SHQ1: variants seen among roughly 807,000 people sequenced by gnomAD.
The protein encoded by SHQ1 is protein SHQ1 homolog.
In SHQ1, 49 loss-of-function variants were observed where a neutral mutation model predicts 53.8. The observed-to-expected ratio is 0.91, with a 90% CI of 0.72 to 1.16. SHQ1 has a LOEUF of 1.16. Ranked by LOEUF, SHQ1 falls within the 50% of genes most tolerant of loss-of-function variation. The probability of loss-of-function intolerance (pLI) is 0.00; values close to 1 mark genes in which losing one functional copy is unlikely to be tolerated. For synonymous variants in SHQ1, 243 were observed against 251.0 expected, an observed-to-expected ratio of 0.97 and a Z score of 0.30; for missense variants, 738 against 683.1, an observed-to-expected ratio of 1.08 and a Z score of -0.90.
chr3:72,840,242 T>TAAAAAAAAAA (rs71623990), intron 4 of SHQ1, among the ~76,000 whole-genome samples: 1 of 93,592 alleles, frequency 1.1e-5, no homozygotes. Context: ...GACTCTGTCT[T>TAAAAAAAAAA]AAAAAAAAAA....
intron 1 of SHQ1, chr3:72,846,266 T>G (rs1479464098): frequency 6.5e-7 from 1 of 1,535,672 alleles, no homozygotes; most frequent in Middle Eastern, 1.7e-4. Flanking sequence ...GGACCAGGTT[T>G]TATTCATCCT....
intron 8 of SHQ1, among the ~76,000 whole-genome samples, chr3:72,815,141 C>T (rs1261747673): frequency 6.6e-6 from 1 of 152,054 alleles, no homozygotes; most frequent in Non-Finnish European, 1.5e-5. Flanking sequence ...CATCCTCTCT[C>T]CAAAGTGTGT....
At chr3:72,788,621 G>A (rs1172818713) in intron 10 of SHQ1, among the ~76,000 whole-genome samples, 1 of 152,252 alleles carries the variant, frequency 6.6e-6, no homozygotes, top group Non-Finnish European at 1.5e-5. Flanking sequence ...GACGATGGCA[G>A]TTTTGTCGAA....
Position 72,815,422 on chromosome 3 carries a change from A to G in SHQ1, c.883-19T>C. 1 of 1,601,212 alleles carries G rather than the reference A, an allele frequency of 6.2e-7. No individual in the cohort carries two copies. Among genetic ancestry groups the G allele is most frequent in the Non-Finnish European group, 8.6e-7 (1 of 1,168,986 alleles). ...ATTCAACCTTTATTTGTTTTGGAGA[A>G]AAGAATACCATCACATTAGAGGTGA... On this transcript the variant is annotated intron_variant, in intron 7 of 10. Coordinates refer to ENST00000325599, the MANE Select transcript of SHQ1 (RefSeq NM_018130.3).
chr3:72,842,563 T>C lies in SHQ1; in HGVS notation c.209-161A>G, dbSNP rs567933563. Reference sequence around the variant, plus strand: ...GGGCAACATACCAAGACCCCATCTCTACAGAAAATAATAATAAAATCATTT... The same window carrying C: ...GGGCAACATACCAAGACCCCATCTCCACAGAAAATAATAATAAAATCATTT... On this transcript the variant is annotated intron_variant, in intron 2 of 10. Coordinates refer to ENST00000325599, the MANE Select transcript of SHQ1 (RefSeq NM_018130.3). Among the ~76,000 whole-genome samples the C allele has an allele frequency of 7.9e-5, 12 of 151,664 alleles. No homozygotes were observed. The East Asian group carries it at 1.4e-3, about 17-fold the overall frequency.
chr3:72,777,382 A>T lies in SHQ1; in HGVS notation c.1181+15534T>A, dbSNP rs79600105. Among the ~76,000 whole-genome samples, 782 of 152,338 alleles carry T rather than the reference A, an allele frequency of 5.1e-3. 10 individuals are homozygous for T. Among genetic ancestry groups the T allele is most frequent in the African/African-American group, 0.018 (752 of 41,574 alleles). On this transcript the variant is annotated intron_variant, in intron 10 of 10. Transcript: ENST00000325599. ...AGGAAGTCCTATTGAAAAACAGGGG[A>T]TACAATAGACAGACATTTCATAGTA... is the stretch of plus-strand genomic sequence containing the variant.
chr3:72,843,986 G>A (rs2292055), intron 2 of SHQ1, among the ~76,000 whole-genome samples: 75,778 of 152,018 alleles, frequency 0.5, 20,886 homozygotes, highest in African/African-American at 0.72. Context: ...TGTTATTAAA[G>A]TTCAAGTTTG....
chr3:72,807,096 A>G (rs1428990474), intron 9 of SHQ1, among the ~76,000 whole-genome samples: 1 of 152,260 alleles, frequency 6.6e-6, no homozygotes, highest in East Asian at 1.9e-4. Context: ...GAACTCATCA[A>G]GCAATTAACA....
intron 10 of SHQ1, among the ~76,000 whole-genome samples, chr3:72,751,148 C>T (rs926871790): frequency 2.6e-5 from 4 of 152,180 alleles, no homozygotes; most frequent in Admixed American, 6.5e-5. Context: ...CAGTGGCTCA[C>T]GCCTGTAACC....
In SHQ1 at chr3:72,812,764, A is replaced by T. The variant is rs1457951309; in HGVS notation, c.967T>A (p.Ser323Thr). The T allele has an allele frequency of 3.7e-6, 6 of 1,613,970 alleles. No individual in the cohort carries two copies. The African/African-American group carries it at 8.0e-5, about 22-fold the overall frequency. ...TAACACAACACCCTTCTTCCAAAAG[A>T]CACCATGATATCATGAACGTTAGTC... ...TWTNVHDIMV[S>T]FGRRVLCYPL... Residue 323 changes from serine to threonine, a missense_variant, in exon 9 of 11, where the codon TCT becomes ACT. Ser to Thr is a moderately conservative substitution (Grantham distance 58, BLOSUM62 1). Coordinates refer to ENST00000325599, the MANE Select transcript of SHQ1 (RefSeq NM_018130.3).
At chr3:72,774,414 T>C (rs1029907272) in intron 10 of SHQ1, among the ~76,000 whole-genome samples, 2 of 148,674 alleles carry the variant, frequency 1.3e-5, no homozygotes, top group South Asian at 2.1e-4. Context: ...AAACCAAAAG[T>C]GTATGAAAAC....
At chr3:72,734,210 G>A in the SHQ1 span, among the ~76,000 whole-genome samples, 1 of 151,190 alleles carries the variant, frequency 6.6e-6, no homozygotes, top group African/African-American at 2.4e-5. Flanking sequence ...CCAGAGCCTG[G>A]TGCTAAGTGT....
the SHQ1 span, among the ~76,000 whole-genome samples, chr3:72,729,417 C>G: frequency 6.6e-6 from 1 of 152,144 alleles, no homozygotes; most frequent in Non-Finnish European, 1.5e-5. Context: ...GCCTCCTGAT[C>G]GACCAGTCCA....
At chr3:72,738,612 C>T in the SHQ1 span, among the ~76,000 whole-genome samples, 1 of 152,192 alleles carries the variant, frequency 6.6e-6, no homozygotes, top group Non-Finnish European at 1.5e-5. Context: ...ATTGTTTCCC[C>T]ATCCCAGGAA....
Position 72,759,387 on chromosome 3 carries a change from T to C in SHQ1, c.1182-8551A>G, listed in dbSNP as rs560105112. 7.9e-5 allele frequency among the ~76,000 whole-genome samples: 12 copies of C among 152,240 alleles called. No homozygotes were observed. In the Middle Eastern group the frequency reaches 0.01, roughly 129 times the overall value. On this transcript the variant is annotated intron_variant, in intron 10 of 10. Coordinates refer to ENST00000325599, the MANE Select transcript of SHQ1 (RefSeq NM_018130.3). ...AAAATTTAATAGTAAATAATGATGA[T>C]AAGGTTAAAACTTCACCTTGAGGCT...
At chr3:72,797,415 T>C (rs867047806) in intron 9 of SHQ1, among the ~76,000 whole-genome samples, 18 of 152,326 alleles carry the variant, frequency 1.2e-4, no homozygotes, top group Non-Finnish European at 2.2e-4. Context: ...TTGTTTATTC[T>C]TTTCTATACT....
intron 2 of SHQ1, among the ~76,000 whole-genome samples, chr3:72,843,093 A>C (rs945803974): frequency 2.0e-5 from 3 of 152,028 alleles, no homozygotes; most frequent in Middle Eastern, 6.8e-3. Context: ...AAAAAAAAAA[A>C]TTATTTATCT....
At chr3:72,847,619 A>G (rs1489316040) in intron 1 of SHQ1, among the ~76,000 whole-genome samples, 1 of 152,184 alleles carries the variant, frequency 6.6e-6, no homozygotes, top group African/African-American at 2.4e-5. Context: ...GGGGGAAACA[A>G]CCACACTTCA....
At chr3:72,781,546 A>C (rs1706074349) in intron 10 of SHQ1, among the ~76,000 whole-genome samples, 3 of 152,142 alleles carry the variant, frequency 2.0e-5, no homozygotes, top group Admixed American at 1.3e-4. Flanking sequence ...TTGGTGCACC[A>C]TTTTATTATT....
Sources: allele counts gnomAD v4.1 joint callset (sites outside exome capture counted in the v4.1 genomes callset), GRCh38; gene constraint gnomAD v4.1.1; transcripts MANE v1.5; gene names NCBI Gene and HGNC (gene_info 2026-07-23, HGNC 2026-07-21).